Variants in DPY19L1 observed in about 807,000 individuals in gnomAD.
DPY19L1 encodes protein C-mannosyl-transferase DPY19L1.
A neutral mutation model predicts 96.9 loss-of-function variants in DPY19L1; 35 were observed. The observed-to-expected ratio is 0.36, with a 90% CI of 0.28 to 0.48. The LOEUF (loss-of-function observed/expected upper bound fraction) is 0.48, where lower values mean the gene tolerates loss of function less well. Among genes scored for constraint, DPY19L1 ranks in the 20% least tolerant of loss-of-function variants. The pLI is 0.99. For missense variants in DPY19L1, 521 were observed against 777.9 expected, an observed-to-expected ratio of 0.67 and a Z score of 3.93; for synonymous variants, 205 against 252.6, an observed-to-expected ratio of 0.81 and a Z score of 1.79.
At chr7:35,018,905 G>A (rs1385375574) in intron 1 of DPY19L1, among the ~76,000 whole-genome samples, 2 of 152,044 alleles carry the variant, frequency 1.3e-5, no homozygotes, top group East Asian at 1.9e-4. Flanking sequence ...GGAATCAACA[G>A]GTAAGGATAA....
chr7:34,953,611 G>A (rs1784313789), intron 13 of DPY19L1, among the ~76,000 whole-genome samples: 2 of 152,074 alleles, frequency 1.3e-5, no homozygotes, highest in Admixed American at 1.3e-4. Flanking sequence ...GTAACTGCTA[G>A]GAATTGTTCC....
At chr7:34,985,186 T>C (rs754724071) in intron 7 of DPY19L1, among the ~76,000 whole-genome samples, 1 of 152,102 alleles carries the variant, frequency 6.6e-6, no homozygotes, top group Non-Finnish European at 1.5e-5. Context: ...CCCCTAAGAA[T>C]TTCGTATTTG....
In DPY19L1 at chr7:34,947,670, A is replaced by C; in HGVS notation, c.1454T>G (p.Leu485Arg). The change falls in exon 15 of 22, where the codon CTT becomes CGT. Residue 485 changes from leucine (L) to arginine (R), a missense_variant. By Grantham distance (102) the Leu-to-Arg change is moderately radical. Coordinates refer to ENST00000638088, the MANE Select transcript of DPY19L1 (RefSeq NM_001366673.1). ...AACAAACACTACAAGAACAACTGGAAGCAATAATGTCTTTGTGTATCTCAG... is the reference window on the plus strand; with the variant it reads ...AACAAACACTACAAGAACAACTGGACGCAATAATGTCTTTGTGTATCTCAG... Reference protein sequence around the residue: ...TPLRYTKTLLLPVVLVVFVAI... With the variant: ...TPLRYTKTLLRPVVLVVFVAI... The C allele has an allele frequency of 6.2e-7, 1 of 1,612,782 alleles. No homozygotes were observed. The highest frequency in any genetic ancestry group is 8.5e-7 in the Non-Finnish European group (1 of 1,179,316).
At chr7:34,980,834 C>T (rs1784924076) in intron 7 of DPY19L1, among the ~76,000 whole-genome samples, 1 of 152,180 alleles carries the variant, frequency 6.6e-6, no homozygotes, top group African/African-American at 2.4e-5. Context: ...AATTATCGTA[C>T]ATTGCCAATG....
intron 15 of DPY19L1, among the ~76,000 whole-genome samples, chr7:34,946,778 TAAC>T (rs1217399039): frequency 2.6e-5 from 4 of 152,364 alleles, no homozygotes; most frequent in African/African-American, 9.6e-5. Flanking sequence ...GCGAGGCTCC[TAAC>T]AACATCTTTG....
chr7:34,983,159 T>C (rs1196261027), intron 7 of DPY19L1, among the ~76,000 whole-genome samples: 1 of 152,166 alleles, frequency 6.6e-6, no homozygotes. Flanking sequence ...ACATAAAAGA[T>C]GTTCCCTTTT....
chr7:34,983,842 T>A lies in DPY19L1; in HGVS notation c.822+6042A>T, dbSNP rs188810330. Among the ~76,000 whole-genome samples the A allele has an allele frequency of 1.4e-3, 218 of 152,180 alleles. 2 individuals are homozygous for A. The highest frequency in any genetic ancestry group is 2.9e-3 in the Admixed American group (45 of 15,276). On this transcript the variant is annotated intron_variant, in intron 7 of 21. Transcript: ENST00000638088. Reference sequence around the variant, plus strand: ...TTGGCTAGAAATTTTCCAAAACTGATTAAAAATAAAAACCAACCCAGAAAA... The same window carrying A: ...TTGGCTAGAAATTTTCCAAAACTGAATAAAAATAAAAACCAACCCAGAAAA...
intron 4 of DPY19L1, 83 bp from the exon 5 acceptor site, chr7:35,011,533 A>G: frequency 7.5e-7 from 1 of 1,324,798 alleles, no homozygotes. Flanking sequence ...TACTTTGACA[A>G]TTACCATATT....
At chr7:34,945,238 G>T (rs1170215259) in intron 16 of DPY19L1, among the ~76,000 whole-genome samples, 8 of 148,940 alleles carry the variant, frequency 5.4e-5, no homozygotes, top group African/African-American at 1.2e-4. Context: ...TTAATTTTGG[G>T]TTTTTTTTTT....
chr7:34,991,068 G>T (rs1238172558), intron 6 of DPY19L1, among the ~76,000 whole-genome samples: 5 of 152,244 alleles, frequency 3.3e-5, no homozygotes, highest in Non-Finnish European at 5.9e-5. Flanking sequence ...TGGCAAAAGA[G>T]GAGGAAGACT....
At chr7:34,940,554 T>G (rs1483074149) in intron 18 of DPY19L1, among the ~76,000 whole-genome samples, 1 of 152,226 alleles carries the variant, frequency 6.6e-6, no homozygotes, top group Admixed American at 6.5e-5. Flanking sequence ...CTCAACCTGC[T>G]TTCACTACTC....
At chr7:34,972,047 AAAG>A in intron 8 of DPY19L1, among the ~76,000 whole-genome samples, 1 of 152,336 alleles carries the variant, frequency 6.6e-6, no homozygotes, top group South Asian at 2.1e-4. Flanking sequence ...GTGAACTGAC[AAAG>A]AAGGACTTAA....
chr7:34,977,030 C>G (rs1483232890), intron 7 of DPY19L1, among the ~76,000 whole-genome samples: 6 of 151,962 alleles, frequency 3.9e-5, no homozygotes, highest in African/African-American at 1.2e-4. Flanking sequence ...CTCAGGTGAT[C>G]CGCCTGCCTC....
chr7:34,979,121 T>A (rs1415929860), intron 7 of DPY19L1, among the ~76,000 whole-genome samples: 3 of 152,118 alleles, frequency 2.0e-5, no homozygotes, highest in Non-Finnish European at 4.4e-5. Context: ...GTATATCCTA[T>A]CCAAATTTAC....
intron 13 of DPY19L1, among the ~76,000 whole-genome samples, chr7:34,950,531 A>C (rs1361049888): frequency 1.3e-5 from 2 of 152,220 alleles, no homozygotes; most frequent in Admixed American, 6.5e-5. Flanking sequence ...ACATTTGCCA[A>C]ATGTTCAAGT....
At position 35,010,508 on chromosome 7, in the gene DPY19L1, G is replaced by A. The variant is rs373998379; in HGVS notation, c.724C>T (p.Leu242=). The change falls in exon 6 of 22, where the codon CTA becomes TTA. Residue 242 remains leucine, a synonymous_variant. Transcript: ENST00000638088. ...TATATGAAGAATAATGCCATCATTA[G>A]TCCATTTAAAATAAAAATTACAGCA... ...YVAVIFILNG[L]MMALFFIYGT... The A allele has an allele frequency of 1.3e-5, 21 of 1,607,880 alleles. No individual in the cohort carries two copies. In the African/African-American group the frequency reaches 2.4e-4, roughly 18 times the overall value.
chr7:34,949,717 G>T, intron 14 of DPY19L1, 80 bp downstream of exon 14: 1 of 852,264 alleles, frequency 1.2e-6, no homozygotes, highest in Non-Finnish European at 1.9e-6. Context: ...CACATAAAGA[G>T]TCTGATATAA....
At chr7:34,965,109 T>C (rs1471669249) in intron 10 of DPY19L1, among the ~76,000 whole-genome samples, 1 of 152,102 alleles carries the variant, frequency 6.6e-6, no homozygotes, top group Non-Finnish European at 1.5e-5. Flanking sequence ...ATGTACATAA[T>C]TTACCACCCA....
intron 6 of DPY19L1, among the ~76,000 whole-genome samples, chr7:35,009,987 T>C (rs1252029684): frequency 3.9e-5 from 6 of 152,134 alleles, no homozygotes; most frequent in African/African-American, 1.4e-4. Flanking sequence ...CCCAGCACTT[T>C]GGAAGCTGAG....
Sources: gnomAD v4.1 joint callset for allele counts (sites outside exome capture counted in the v4.1 genomes callset) on GRCh38, gnomAD v4.1.1 for gene constraint, MANE v1.5 for transcripts, NCBI Gene and HGNC (gene_info 2026-07-23, HGNC 2026-07-21) for gene names.